AOPEP: variants seen among roughly 807,000 people sequenced by gnomAD.
AOPEP encodes the protein aminopeptidase O.
A neutral mutation model predicts 98.1 loss-of-function variants in AOPEP; 77 were observed. That is an observed-to-expected ratio of 0.78 (90% CI 0.65 to 0.95). The LOEUF (loss-of-function observed/expected upper bound fraction) is 0.95. Among genes scored for constraint, AOPEP ranks in the 40% least tolerant of loss-of-function variants. The pLI is 0.00. For synonymous variants in AOPEP, 346 were observed against 365.3 expected (o/e 0.95, Z 0.60); for missense variants, 1,024 against 1,024.7 (o/e 1.00, Z 0.01).
Position 94,961,946 on chromosome 9 carries a change from G to C in AOPEP, c.1873-5812G>C, listed in dbSNP as rs114431189. The stretch of plus-strand genomic sequence containing the variant: ...TCATATGTATTGGAACATTATCTTT[G>C]ATTCCTTTTCCAACTTGTGCTATGC... On this transcript the variant is annotated intron_variant, in intron 9 of 16. Coordinates refer to ENST00000375315, the MANE Select transcript of AOPEP (RefSeq NM_001193329.3). Among the ~76,000 whole-genome samples the C allele has an allele frequency of 2.3e-3, 345 of 152,216 alleles. 1 individual carries two copies. Among genetic ancestry groups the C allele is most frequent in the Non-Finnish European group, 4.2e-3 (285 of 68,012 alleles).
intron 10 of AOPEP, among the ~76,000 whole-genome samples, chr9:94,973,563 C>T (rs1203677967): frequency 6.6e-6 from 1 of 152,192 alleles, no homozygotes; most frequent in Non-Finnish European, 1.5e-5. Flanking sequence ...AACTGGAGAC[C>T]ATTGACACTC....
At chr9:94,815,435 T>C (rs965839316) in intron 5 of AOPEP, among the ~76,000 whole-genome samples, 61 of 152,258 alleles carry the variant, frequency 4.0e-4, no homozygotes, top group Admixed American at 3.1e-3. Flanking sequence ...GACATTGATA[T>C]TCTTAGTTGC....
intron 11 of AOPEP, among the ~76,000 whole-genome samples, chr9:95,000,297 C>T (rs1054142278): frequency 1.4e-4 from 22 of 152,230 alleles, no homozygotes; most frequent in African/African-American, 5.3e-4. Flanking sequence ...AAATTACTAT[C>T]TAATGTAATA....
chr9:94,941,389 C>G (rs996931810), intron 7 of AOPEP, among the ~76,000 whole-genome samples: 4 of 152,278 alleles, frequency 2.6e-5, no homozygotes, highest in African/African-American at 7.2e-5. Context: ...CTACCCACTC[C>G]TGTCTGTCTA....
At chr9:94,820,580 T>G (rs899577042) in intron 5 of AOPEP, among the ~76,000 whole-genome samples, 2 of 152,238 alleles carry the variant, frequency 1.3e-5, no homozygotes, top group Non-Finnish European at 2.9e-5. Context: ...TTTGACTTTT[T>G]CCAAAATTTT....
intron 13 of AOPEP, among the ~76,000 whole-genome samples, chr9:95,055,793 C>T (rs185537807): frequency 7.9e-5 from 12 of 152,274 alleles, no homozygotes; most frequent in South Asian, 2.1e-4. Flanking sequence ...GCCCGAAGGC[C>T]GCCTGCATGT....
chr9:95,084,148 G>A (rs562582312), intron 16 of AOPEP, among the ~76,000 whole-genome samples: 21 of 152,214 alleles, frequency 1.4e-4, no homozygotes, highest in Non-Finnish European at 2.5e-4. Flanking sequence ...CATTTTTCGT[G>A]TTATAGCTTC....
the AOPEP span, among the ~76,000 whole-genome samples, chr9:95,146,512 AT>A: frequency 6.7e-6 from 1 of 149,820 alleles, no homozygotes; most frequent in Admixed American, 6.7e-5. Context: ...AAAAAAAAAA[AT>A]TGAAAACGTA....
At chr9:94,928,372 A>C in intron 6 of AOPEP, 53 bp from the exon 7 acceptor site, 2 of 1,331,184 alleles carry the variant, frequency 1.5e-6, no homozygotes, top group Non-Finnish European at 2.1e-6. Flanking sequence ...CACCAGGACC[A>C]CAACAGTGAC....
At position 95,033,645 on chromosome 9, in the gene AOPEP, A is replaced by T. The variant is rs948115210; in HGVS notation, c.2116-27049A>T. On this transcript the variant is annotated intron_variant, in intron 13 of 16. Coordinates refer to ENST00000375315, the MANE Select transcript of AOPEP (RefSeq NM_001193329.3). Reference sequence around the variant, plus strand: ...TTATATGACGCTATAATTAATAATAAAGCCTGTATTCTACTTAATATGTCT... The same window carrying T: ...TTATATGACGCTATAATTAATAATATAGCCTGTATTCTACTTAATATGTCT... Among the ~76,000 whole-genome samples, 3 of 152,214 alleles carry T rather than the reference A, an allele frequency of 2.0e-5. No homozygotes were observed. The South Asian group carries it at 6.2e-4, about 31-fold the overall frequency.
chr9:94,760,410 C>G lies in AOPEP; in HGVS notation c.627C>G (p.Cys209Trp). ...AGCAGTTAGACTATTACGCTCGCTG[C>G]AGCCAGGCTCCTGGCTGTGGGGAAC... ...WREQLDYYAR[C>W]SQAPGCGELL... The change falls in exon 2 of 17, where the codon TGC (cysteine) becomes TGG (tryptophan). Residue 209 changes from cysteine to tryptophan, a missense_variant. This residue lies in a region of AOPEP where 440 missense variants were observed against 433.8 expected (regional missense o/e 1.01). Coordinates refer to ENST00000375315, the MANE Select transcript of AOPEP (RefSeq NM_001193329.3). 2 of 1,614,010 alleles carry G rather than the reference C, an allele frequency of 1.2e-6. No individual in the cohort carries two copies. The highest frequency in any genetic ancestry group is 1.7e-6 in the Non-Finnish European group (2 of 1,179,952).
At chr9:94,933,460 G>A (rs138002202) in intron 7 of AOPEP, 166 of 985,328 alleles carry the variant, frequency 1.7e-4, no homozygotes, top group East Asian at 5.7e-4. Context: ...AAAATGTATC[G>A]CTTTAAGGAG....
At position 95,066,333 on chromosome 9, in the gene AOPEP, T is replaced by A. The variant is rs72752308; in HGVS notation, c.2232+5523T>A. On this transcript the variant is annotated intron_variant, in intron 14 of 16. Coordinates refer to ENST00000375315, the MANE Select transcript of AOPEP (RefSeq NM_001193329.3). ...TACTGTGATAAAGGGATTTTTTTTTTAAAAAGCTGATCTAAAATCACAAAG... is the reference window on the plus strand; with the variant it reads ...TACTGTGATAAAGGGATTTTTTTTTAAAAAAGCTGATCTAAAATCACAAAG... 4.3e-3 allele frequency among the ~76,000 whole-genome samples: 662 copies of A among 152,202 alleles called. 1 individual carries two copies. The highest frequency in any genetic ancestry group is 7.1e-3 in the Non-Finnish European group (480 of 68,008).
intron 16 of AOPEP, among the ~76,000 whole-genome samples, chr9:95,084,672 C>T (rs143144584): frequency 1.3e-5 from 2 of 152,296 alleles, no homozygotes; most frequent in African/African-American, 4.8e-5. Flanking sequence ...GAATTTTTGC[C>T]CAGGCAGGCA....
At chr9:95,004,989 G>C (rs2061859426) in intron 11 of AOPEP, 169 bp from the exon 12 acceptor site, 1 of 155,012 alleles carries the variant, frequency 6.5e-6, no homozygotes, top group Non-Finnish European at 1.4e-5. Flanking sequence ...CGCCGCGCCT[G>C]AGGTGATGCG....
At chr9:94,897,337 T>C (rs989471101) in intron 5 of AOPEP, among the ~76,000 whole-genome samples, 1 of 152,170 alleles carries the variant, frequency 6.6e-6, no homozygotes, top group African/African-American at 2.4e-5. Context: ...AAAGATGGAC[T>C]GATCAATAAA....
chr9:95,028,788 C>T (rs1432706677), intron 13 of AOPEP, among the ~76,000 whole-genome samples: 1 of 152,146 alleles, frequency 6.6e-6, no homozygotes, highest in Non-Finnish European at 1.5e-5. Flanking sequence ...ATATTGACGT[C>T]CATATTAATG....
At chr9:95,017,671 C>G (rs2063124412) in intron 13 of AOPEP, among the ~76,000 whole-genome samples, 2 of 152,144 alleles carry the variant, frequency 1.3e-5, no homozygotes, top group East Asian at 1.9e-4. Flanking sequence ...ACGTTACATG[C>G]CAGGAAATTC....
chr9:94,805,235 ATTGGC>A (rs1301170123), intron 5 of AOPEP, among the ~76,000 whole-genome samples: 1 of 151,346 alleles, frequency 6.6e-6, no homozygotes, highest in Non-Finnish European at 1.5e-5. Flanking sequence ...TGAGAACCTG[ATTGGC>A]TTAGCAGCTG....
Sources: gnomAD v4.1 joint callset for allele counts (sites outside exome capture counted in the v4.1 genomes callset) on GRCh38, gnomAD v4.1.1 for gene constraint, gnomAD v4.1.1 regional missense constraint, MANE v1.5 for transcripts, NCBI Gene and HGNC (gene_info 2026-07-23, HGNC 2026-07-21) for gene names.